DTNB: variants seen among roughly 807,000 people sequenced by gnomAD.
The protein encoded by DTNB is DTN-B.
DTNB carries 63 observed loss-of-function variants against 90.7 expected under a neutral mutation model. That is an observed-to-expected ratio of 0.69 (90% confidence interval 0.57 to 0.86). The LOEUF is 0.86. Among genes scored for constraint, DTNB ranks in the 40% least tolerant of loss-of-function variants. The probability of loss-of-function intolerance (pLI) is 0.00; values close to 1 mark genes in which losing one functional copy is unlikely to be tolerated. For missense variants in DTNB, 744 were observed against 807.1 expected (o/e 0.92, Z 0.95); for synonymous variants, 277 against 286.7 (o/e 0.97, Z 0.34).
rs553369587 is a variant in DTNB, at chr2:25,517,848, A to G, written c.1001+13625T>C. ...AATGGATGAGCAAAATATGGTATCT[A>G]CATACAATGAATATCATTCAGCCTT... On this transcript the variant is annotated intron_variant, in intron 9 of 20. Coordinates refer to ENST00000406818, the MANE Select transcript of DTNB (RefSeq NM_021907.5). Among the ~76,000 whole-genome samples, 8 of 152,318 alleles carry G rather than the reference A, an allele frequency of 5.3e-5. No homozygotes were observed. The South Asian group carries it at 1.7e-3, about 32-fold the overall frequency.
chr2:25,513,047 G>A (rs1000410626), intron 9 of DTNB, among the ~76,000 whole-genome samples: 2 of 152,228 alleles, frequency 1.3e-5, no homozygotes, highest in Non-Finnish European at 2.9e-5. Flanking sequence ...TTAGAAATAT[G>A]TAGACAGATC....
chr2:25,420,050 C>T (rs1574131278), intron 15 of DTNB, among the ~76,000 whole-genome samples: 1 of 151,876 alleles, frequency 6.6e-6, no homozygotes, highest in South Asian at 2.1e-4. Flanking sequence ...TTGTGCCTCA[C>T]CCTATCCCCA....
chr2:25,610,920 G>C (rs2068454812), intron 4 of DTNB, among the ~76,000 whole-genome samples: 1 of 152,118 alleles, frequency 6.6e-6, no homozygotes, highest in African/African-American at 2.4e-5. Context: ...ATGTTGGCCA[G>C]GCTGGTTTAG....
chr2:25,611,018 T>A lies in DTNB; in HGVS notation c.363-3697A>T, dbSNP rs923699325. On this transcript the variant is annotated intron_variant, in intron 4 of 20. Transcript: ENST00000406818. ...AGCCACTGCACCCAGCCCAGTAACA[T>A]CTATCCTGACTTCTAGTATCATAGG... Among the ~76,000 whole-genome samples, 8 of 152,186 alleles carry A rather than the reference T, an allele frequency of 5.3e-5. No homozygotes were observed. The East Asian group carries it at 1.5e-3, about 29-fold the overall frequency.
chr2:25,413,380 A>AG (rs1558412991), intron 16 of DTNB, among the ~76,000 whole-genome samples: 1 of 151,128 alleles, frequency 6.6e-6, no homozygotes, highest in Non-Finnish European at 1.5e-5. Flanking sequence ...CTCGTCATTT[A>AG]CATTAGGTGT....
intron 4 of DTNB, among the ~76,000 whole-genome samples, chr2:25,627,692 C>T (rs911347923): frequency 1.3e-4 from 20 of 151,442 alleles, no homozygotes; most frequent in African/African-American, 4.4e-4. Flanking sequence ...GACAGTAAGT[C>T]ACTGTGAACC....
intron 3 of DTNB, among the ~76,000 whole-genome samples, chr2:25,638,197 C>T (rs1053187628): frequency 2.6e-5 from 4 of 151,962 alleles, no homozygotes; most frequent in Admixed American, 2.6e-4. Context: ...TATCACACAC[C>T]GGGGCCTGTC....
intron 16 of DTNB, among the ~76,000 whole-genome samples, chr2:25,408,317 A>G (rs1308953288): frequency 1.3e-5 from 2 of 151,824 alleles, no homozygotes; most frequent in African/African-American, 2.4e-5. Context: ...CTCCAAAAAA[A>G]AAAAGAGTTC....
At chr2:25,603,974 C>T (rs2066473924) in intron 5 of DTNB, among the ~76,000 whole-genome samples, 1 of 152,190 alleles carries the variant, frequency 6.6e-6, no homozygotes, top group Non-Finnish European at 1.5e-5. Flanking sequence ...AGCTAACAAT[C>T]ATACTACACA....
At chr2:25,393,698 A>C (rs2041742131) in intron 16 of DTNB, among the ~76,000 whole-genome samples, 1 of 152,192 alleles carries the variant, frequency 6.6e-6, no homozygotes, top group African/African-American at 2.4e-5. Flanking sequence ...AGGATATGAA[A>C]GACCTCTATA....
intron 10 of DTNB, among the ~76,000 whole-genome samples, chr2:25,463,854 T>C (rs2061381629): frequency 6.6e-6 from 1 of 152,176 alleles, no homozygotes; most frequent in South Asian, 2.1e-4. Flanking sequence ...CAGATACAGA[T>C]GGATAGAGAA....
chr2:25,421,915 C>T (rs1026302684), intron 15 of DTNB, among the ~76,000 whole-genome samples: 1 of 152,222 alleles, frequency 6.6e-6, no homozygotes, highest in Non-Finnish European at 1.5e-5. Context: ...CAGGGCAGCG[C>T]TTCCAGGACT....
chr2:25,389,036 CG>C (rs2040358250), intron 16 of DTNB, among the ~76,000 whole-genome samples: 1 of 152,134 alleles, frequency 6.6e-6, no homozygotes, highest in East Asian at 1.9e-4. Context: ...TTAGTAGATA[CG>C]GGGTTTCAAC....
chr2:25,525,017 G>A lies in DTNB; in HGVS notation c.1001+6456C>T, dbSNP rs148127042. Among the ~76,000 whole-genome samples the A allele has an allele frequency of 1.8e-4, 27 of 152,062 alleles. No individual in the cohort carries two copies. The East Asian group carries it at 4.6e-3, about 26-fold the overall frequency. ...GCACTGTAGGCTATAGTGAAAAATC[G>A]GAAATAATGTCCAGCAATGAAGAAT... On this transcript the variant is annotated intron_variant, in intron 9 of 20. Transcript: ENST00000406818.
chr2:25,624,904 C>A (rs1406604958), intron 4 of DTNB, among the ~76,000 whole-genome samples: 1 of 152,124 alleles, frequency 6.6e-6, no homozygotes, highest in Non-Finnish European at 1.5e-5. Flanking sequence ...AGATTCTACA[C>A]CCAGGTGTTT....
intron 12 of DTNB, among the ~76,000 whole-genome samples, chr2:25,443,362 T>C (rs2057856541): frequency 6.6e-6 from 1 of 152,214 alleles, no homozygotes. Context: ...AGCTCCATCA[T>C]CTTAATGAGA....
At chr2:25,660,954 C>T (rs2083063320) in intron 1 of DTNB, among the ~76,000 whole-genome samples, 1 of 152,204 alleles carries the variant, frequency 6.6e-6, no homozygotes, top group Non-Finnish European at 1.5e-5. Flanking sequence ...ATCTCTCCAA[C>T]ACTAGATCCA....
intron 2 of DTNB, chr2:25,650,163 C>T: frequency 1.0e-6 from 1 of 985,334 alleles, no homozygotes; most frequent in East Asian, 1.1e-4. Context: ...CCATCAACGC[C>T]TGCATGCGTA....
intron 2 of DTNB, 96 bp downstream of exon 2, chr2:25,652,498 A>G (rs1230090227): frequency 1.5e-6 from 2 of 1,302,726 alleles, no homozygotes; most frequent in Non-Finnish European, 2.1e-6. Flanking sequence ...CTTATAACAT[A>G]AAAGTTGTAA....
Sources: gnomAD v4.1 joint callset for allele counts (sites outside exome capture counted in the v4.1 genomes callset) on GRCh38, gnomAD v4.1.1 for gene constraint, MANE v1.5 for transcripts, NCBI Gene and HGNC (gene_info 2026-07-23, HGNC 2026-07-21) for gene names.